Variants in STAB2 observed in about 807,000 individuals in gnomAD.
STAB2 encodes the protein stabilin 2.
STAB2 carries 288 observed loss-of-function variants against 338.1 expected under a neutral mutation model. That is an observed-to-expected ratio of 0.85 (90% CI 0.77 to 0.94). The LOEUF is 0.94. Ranked by LOEUF, STAB2 falls within the 40% of genes least tolerant of loss-of-function variation. The probability of loss-of-function intolerance (pLI) is 0.00; values close to 1 mark genes in which losing one functional copy is unlikely to be tolerated. For synonymous variants in STAB2, 1,202 were observed against 1,193.3 expected, an observed-to-expected ratio of 1.01 and a Z score of -0.15; for missense variants, 3,141 against 3,210.1, an observed-to-expected ratio of 0.98 and a Z score of 0.52.
At position 103,745,337 on chromosome 12, in the gene STAB2, G is replaced by A. The variant is rs959082393; in HGVS notation, c.6136+60G>A. 11 of 1,468,744 alleles carry A rather than the reference G, an allele frequency of 7.5e-6. No homozygotes were observed. The African/African-American group carries it at 1.4e-4, about 19-fold the overall frequency. 91.0% of individuals were successfully genotyped at this position (1,468,744 alleles called of 1,614,324 possible). On this transcript the variant is annotated intron_variant, in intron 57 of 68. Coordinates refer to ENST00000388887, the MANE Select transcript of STAB2 (RefSeq NM_017564.10). The stretch of plus-strand genomic sequence containing the variant: ...AGGGCTGCAGTGGACACTGCCAAGA[G>A]CATACAAGTGAGGTTGGGAGTCTGA...
At chr12:103,645,316 C>A (rs902041600) in intron 9 of STAB2, among the ~76,000 whole-genome samples, 1 of 152,172 alleles carries the variant, frequency 6.6e-6, no homozygotes, top group Non-Finnish European at 1.5e-5. Context: ...AGACTTTGGA[C>A]TGAGATTTGA....
At chr12:103,664,126 T>TTGTTC (rs1315049648) in intron 18 of STAB2, among the ~76,000 whole-genome samples, 2 of 152,032 alleles carry the variant, frequency 1.3e-5, no homozygotes, top group Non-Finnish European at 2.9e-5. Context: ...TTGTTTTGTT[T>TTGTTC]TGTTTTTGTT....
chr12:103,753,479 C>T (rs1883850876), intron 61 of STAB2, 126 bp downstream of exon 61: 3 of 1,271,604 alleles, frequency 2.4e-6, no homozygotes, highest in Admixed American at 2.0e-5. Flanking sequence ...GCTCCTGGAA[C>T]AATGCTAACA....
At chr12:103,663,054 C>A in intron 18 of STAB2, 56 bp downstream of exon 18, 1 of 1,580,270 alleles carries the variant, frequency 6.3e-7, no homozygotes, top group Non-Finnish European at 8.6e-7. Context: ...GAGCAGAGAG[C>A]ATCCCACTCC....
chr12:103,740,693 C>A lies in STAB2; in HGVS notation c.5818C>A (p.Arg1940=), dbSNP rs778649361. 3 of 1,610,740 alleles carry A rather than the reference C, an allele frequency of 1.9e-6. No homozygotes were observed. In the South Asian group the frequency reaches 3.3e-5, roughly 18 times the overall value. The change falls in exon 55 of 69, where the codon CGG becomes AGG. Residue 1940 remains arginine, a synonymous_variant. Transcript: ENST00000388887. ...GAGGAACCTGGAAGGCTGCCGGGAG[C>A]GGTGCAGCCTGGTGATACAGATCCC... is the stretch of plus-strand genomic sequence containing the variant. ...FKRNLEGCRE[R]CSLVIQIPRC...
At chr12:103,643,046 T>C (rs1305371542) in intron 9 of STAB2, among the ~76,000 whole-genome samples, 1 of 152,162 alleles carries the variant, frequency 6.6e-6, no homozygotes, top group Admixed American at 6.5e-5. Context: ...TTCTCACAGT[T>C]CTGGAGGCTG....
At chr12:103,733,655 A>G (rs893577384) in intron 51 of STAB2, among the ~76,000 whole-genome samples, 2 of 152,240 alleles carry the variant, frequency 1.3e-5, no homozygotes, top group East Asian at 1.9e-4. Flanking sequence ...TAGCATGATC[A>G]TATAGGAACA....
At chr12:103,749,841 C>CAAAAAAAAAAAAAAAAAAAAAA (rs369556936) in intron 59 of STAB2, among the ~76,000 whole-genome samples, 2 of 51,154 alleles carry the variant, frequency 3.9e-5, no homozygotes, top group African/African-American at 7.1e-5. Context: ...CTCTGTCTCA[C>CAAAAAAAAAAAAAAAAAAAAAA]AAAAAAAAAA....
intron 9 of STAB2, among the ~76,000 whole-genome samples, chr12:103,643,348 C>T (rs556653952): frequency 1.6e-4 from 25 of 152,258 alleles, no homozygotes; most frequent in Non-Finnish European, 2.9e-4. Context: ...TTCAAACATG[C>T]CATGGTGCTC....
intron 3 of STAB2, among the ~76,000 whole-genome samples, chr12:103,600,562 T>C (rs1356748887): frequency 6.6e-6 from 1 of 152,148 alleles, no homozygotes; most frequent in Non-Finnish European, 1.5e-5. Flanking sequence ...AGGCCCCACC[T>C]GCAAACACTA....
chr12:103,618,323 T>C lies in STAB2; in HGVS notation c.332-2145T>C, dbSNP rs180814269. Reference sequence around the variant, plus strand: ...CACCAAGTGAAGATACAGTGAGAAGTCACCATCTATGAACCAGAAAACAGG... The same window carrying C: ...CACCAAGTGAAGATACAGTGAGAAGCCACCATCTATGAACCAGAAAACAGG... On this transcript the variant is annotated intron_variant, in intron 3 of 68. Coordinates refer to ENST00000388887, the MANE Select transcript of STAB2 (RefSeq NM_017564.10). 3.9e-5 allele frequency among the ~76,000 whole-genome samples: 6 copies of C among 152,140 alleles called. No individual in the cohort carries two copies. In the East Asian group the frequency reaches 1.2e-3, roughly 29 times the overall value.
intron 2 of STAB2, among the ~76,000 whole-genome samples, chr12:103,593,611 GT>G (rs1956832362): frequency 6.6e-6 from 1 of 152,226 alleles, no homozygotes; most frequent in South Asian, 2.1e-4. Flanking sequence ...CGTAAAGTAT[GT>G]GACTGTGCTA....
chr12:103,758,434 T>A, intron 64 of STAB2, 145 bp downstream of exon 64: 1 of 1,379,962 alleles, frequency 7.2e-7, no homozygotes, highest in South Asian at 1.4e-5. Context: ...GCCACTCCCT[T>A]GGTCTTGGCA....
At chr12:103,683,350 ATGCTTG>A in intron 26 of STAB2, 50 bp downstream of exon 26, 6 of 1,416,610 alleles carry the variant, frequency 4.2e-6, no homozygotes, top group Non-Finnish European at 4.9e-6. Context: ...AAAAAAAACA[ATGCTTG>A]AGAAAGAAAG....
Position 103,724,972 on chromosome 12 carries a change from C to A in STAB2, c.4684-3C>A. 1 of 1,613,224 alleles carries A rather than the reference C, an allele frequency of 6.2e-7. No homozygotes were observed. Among genetic ancestry groups the A allele is most frequent in the South Asian group, 1.1e-5 (1 of 91,044 alleles). On this transcript the variant is annotated splice_polypyrimidine_tract_variant and splice_region_variant and intron_variant, in intron 44 of 68. Coordinates refer to ENST00000388887, the MANE Select transcript of STAB2 (RefSeq NM_017564.10). ...ATCCCTTGCCCCTTGGCAATTTTACCAGAAAAATGGCGGCTGTAGTGAATT... is the reference window on the plus strand; with the variant it reads ...ATCCCTTGCCCCTTGGCAATTTTACAAGAAAAATGGCGGCTGTAGTGAATT...
chr12:103,595,433 T>C (rs1047364421), intron 3 of STAB2, among the ~76,000 whole-genome samples: 5 of 152,188 alleles, frequency 3.3e-5, no homozygotes, highest in African/African-American at 1.2e-4. Context: ...AAATATCAAT[T>C]TGTATTCTGT....
rs772692574 is a variant in STAB2 at position 103,766,378 on chromosome 12, G to T, written c.*42G>T. 3 of 1,578,192 alleles carry T rather than the reference G, an allele frequency of 1.9e-6. No individual in the cohort carries two copies. The highest frequency in any genetic ancestry group is 2.6e-6 in the Non-Finnish European group (3 of 1,161,558). On this transcript the variant is annotated 3_prime_UTR_variant, in exon 69 of 69. Transcript: ENST00000388887. ...TGCCAGCCATCACTCACTGCCACCT[G>T]GGCCATCAACTGTGAATTCTCAGCA...
At chr12:103,708,605 T>C (rs1566034900) in intron 39 of STAB2, 69 bp downstream of exon 39, 4 of 1,456,204 alleles carry the variant, frequency 2.7e-6, no homozygotes, top group Admixed American at 1.8e-5. Context: ...CATTTTTCTT[T>C]CTAAAATATA....
rs779854699 is a variant in STAB2, at chr12:103,766,314, A to G, written c.7634A>G (p.Asn2545Ser). ...TDSEERQLEG[N>S]DPLRTL ...TCTGAAGAACGGCAGCTTGAGGGCA[A>G]TGACCCCTTGAGGACACTGTGAGGG... is the stretch of plus-strand genomic sequence containing the variant. The change falls in exon 69 of 69, where the codon AAT becomes AGT. Residue 2545 changes from asparagine (N) to serine (S), a missense_variant. Asn to Ser is a conservative substitution (Grantham distance 46). Coordinates refer to ENST00000388887, the MANE Select transcript of STAB2 (RefSeq NM_017564.10). 4 of 1,613,772 alleles carry G rather than the reference A, an allele frequency of 2.5e-6. No homozygotes were observed. In the East Asian group the frequency reaches 8.9e-5, roughly 36 times the overall value.
Sources: allele counts gnomAD v4.1 joint callset (sites outside exome capture counted in the v4.1 genomes callset), GRCh38; gene constraint gnomAD v4.1.1; transcripts MANE v1.5; gene names NCBI Gene and HGNC (gene_info 2026-07-23, HGNC 2026-07-21).